The following LDLRAD3 variants were observed in gnomAD, a reference collection of about 807,000 sequenced individuals.
LDLRAD3 encodes low density lipoprotein receptor class A domain containing 3.
In LDLRAD3, 20 loss-of-function variants were observed where a neutral mutation model predicts 29.4. The observed-to-expected ratio is 0.68, with a 90% confidence interval of 0.48 to 0.99. The LOEUF (loss-of-function observed/expected upper bound fraction) is 0.99, where lower values mean the gene tolerates loss of function less well. LDLRAD3 is among the 50% of genes least tolerant of loss of function. LDLRAD3 has a pLI of 0.00. For synonymous variants in LDLRAD3, 157 were observed against 192.7 expected, an observed-to-expected ratio of 0.81 and a Z score of 1.53; for missense variants, 420 against 454.3, an observed-to-expected ratio of 0.92 and a Z score of 0.69.
At chr11:36,155,454 G>A (rs897838295) in intron 4 of LDLRAD3, among the ~76,000 whole-genome samples, 8 of 152,106 alleles carry the variant, frequency 5.3e-5, no homozygotes, top group South Asian at 2.1e-4. Context: ...ATTGACTTCC[G>A]CGTCTGTTCC....
At chr11:36,205,629 G>A (rs1352322748) in intron 4 of LDLRAD3, among the ~76,000 whole-genome samples, 2 of 152,208 alleles carry the variant, frequency 1.3e-5, no homozygotes, top group African/African-American at 4.8e-5. Context: ...CAAGCAAGAT[G>A]CCTCAGAATA....
At chr11:36,014,593 G>T (rs1851997077) in intron 1 of LDLRAD3, among the ~76,000 whole-genome samples, 1 of 152,134 alleles carries the variant, frequency 6.6e-6, no homozygotes, top group Non-Finnish European at 1.5e-5. Flanking sequence ...AACTTTGCTG[G>T]CGAGGTGAAA....
intron 2 of LDLRAD3, among the ~76,000 whole-genome samples, chr11:36,077,703 A>C (rs1853038382): frequency 6.6e-6 from 1 of 152,178 alleles, no homozygotes; most frequent in Non-Finnish European, 1.5e-5. Context: ...AGAACCTTGG[A>C]GACTTCAGCA....
intron 2 of LDLRAD3, among the ~76,000 whole-genome samples, 165 bp from the exon 3 acceptor site, chr11:36,081,488 A>G (rs575009934): frequency 3.9e-5 from 6 of 152,190 alleles, no homozygotes; most frequent in African/African-American, 7.2e-5. Context: ...TGGGTGTCCA[A>G]TCTGGCTGGG....
intron 4 of LDLRAD3, among the ~76,000 whole-genome samples, chr11:36,191,576 C>CTCTCTCTCTCTCTCTCTCTATATA (rs377747518): frequency 1.9e-5 from 1 of 53,440 alleles, no homozygotes; most frequent in African/African-American, 8.3e-5. Context: ...CTCTCTCTCT[C>CTCTCTCTCTCTCTCTCTCTATATA]TATATATATA....
chr11:35,997,718 T>A (rs192198262), intron 1 of LDLRAD3: 55 of 171,078 alleles, frequency 3.2e-4, no homozygotes, highest in Admixed American at 1.6e-3. Context: ...GGATTCAGGA[T>A]GACCCAATAA....
intron 1 of LDLRAD3, chr11:35,967,357 G>A (rs1239279755): frequency 4.4e-6 from 1 of 227,606 alleles, no homozygotes; most frequent in Non-Finnish European, 8.6e-6. Context: ...CCTGAGGAAT[G>A]TCTGGGAAGT....
rs139548531 is a variant in LDLRAD3 at position 36,148,633 on chromosome 11, C to T, written c.454+50172C>T. Among the ~76,000 whole-genome samples the T allele has an allele frequency of 5.8e-4, 88 of 152,134 alleles. 1 individual carries two copies. Among genetic ancestry groups the T allele is most frequent in the Admixed American group, 2.6e-3 (40 of 15,274 alleles). On this transcript the variant is annotated intron_variant, in intron 4 of 5. Transcript: ENST00000315571. ...ACAGCCAAGGAGAAGGAGATAGGGCCGTCTTGGGGTTTTCTGCAGTCTCAG... is the reference window on the plus strand; with the variant it reads ...ACAGCCAAGGAGAAGGAGATAGGGCTGTCTTGGGGTTTTCTGCAGTCTCAG...
At chr11:36,228,067 G>A (rs1025803225) in intron 5 of LDLRAD3, among the ~76,000 whole-genome samples, 1 of 152,186 alleles carries the variant, frequency 6.6e-6, no homozygotes, top group Non-Finnish European at 1.5e-5. Flanking sequence ...ATAAAGCCAG[G>A]AAGCAGAGTT....
intron 2 of LDLRAD3, among the ~76,000 whole-genome samples, chr11:36,067,107 C>G (rs1166423828): frequency 6.6e-6 from 1 of 152,128 alleles, no homozygotes; most frequent in South Asian, 2.1e-4. Flanking sequence ...CTAACACACT[C>G]CTAATAATCT....
intron 4 of LDLRAD3, among the ~76,000 whole-genome samples, chr11:36,214,710 G>C (rs1855328739): frequency 6.6e-6 from 1 of 152,108 alleles, no homozygotes; most frequent in Non-Finnish European, 1.5e-5. Context: ...TCACTTCCTG[G>C]CTGTGTGACC....
intron 4 of LDLRAD3, among the ~76,000 whole-genome samples, chr11:36,162,710 A>T (rs1428653992): frequency 6.6e-6 from 1 of 152,178 alleles, no homozygotes; most frequent in Non-Finnish European, 1.5e-5. Flanking sequence ...CTGGAGACTG[A>T]CTTAATTAGC....
chr11:36,197,172 A>G (rs957616865), intron 4 of LDLRAD3: 1 of 152,208 alleles, frequency 6.6e-6, no homozygotes, highest in Non-Finnish European at 1.5e-5. Context: ...TCTGAAAAAG[A>G]ACACTTCTTT....
intron 3 of LDLRAD3, among the ~76,000 whole-genome samples, chr11:36,089,775 CTTT>C (rs113433655): frequency 2.2e-5 from 3 of 138,192 alleles, no homozygotes; most frequent in Non-Finnish European, 1.6e-5. Context: ...AATTTTTAAA[CTTT>C]TTTTTTTTTT....
At chr11:36,047,944 C>T (rs768263245) in intron 2 of LDLRAD3, among the ~76,000 whole-genome samples, 20 of 152,200 alleles carry the variant, frequency 1.3e-4, no homozygotes, top group Admixed American at 4.6e-4. Flanking sequence ...GTTCCTTCAT[C>T]TGGGAAATGG....
At chr11:35,988,291 C>T (rs1238046968) in intron 1 of LDLRAD3, among the ~76,000 whole-genome samples, 1 of 152,116 alleles carries the variant, frequency 6.6e-6, no homozygotes, top group Non-Finnish European at 1.5e-5. Context: ...AACTCCTGGG[C>T]TCAAGTGATT....
intron 1 of LDLRAD3, among the ~76,000 whole-genome samples, chr11:36,003,218 G>GCC (rs1255924171): frequency 1.3e-5 from 2 of 152,216 alleles, no homozygotes; most frequent in Non-Finnish European, 2.9e-5. Context: ...ACCTGGCCTG[G>GCC]CTGGTGCAGG....
At chr11:35,960,820 C>T (rs1261978104) in intron 1 of LDLRAD3, among the ~76,000 whole-genome samples, 1 of 152,208 alleles carries the variant, frequency 6.6e-6, no homozygotes, top group Non-Finnish European at 1.5e-5. Flanking sequence ...TGGTCTTGAA[C>T]TCCTGACCTC....
At chr11:36,185,133 T>C (rs1323198451) in intron 4 of LDLRAD3, among the ~76,000 whole-genome samples, 1 of 152,208 alleles carries the variant, frequency 6.6e-6, no homozygotes, top group South Asian at 2.1e-4. Context: ...GCTAGAATTA[T>C]AGAACCATTC....
Sources: allele counts gnomAD v4.1 joint callset (sites outside exome capture counted in the v4.1 genomes callset), GRCh38; gene constraint gnomAD v4.1.1; transcripts MANE v1.5; gene names NCBI Gene and HGNC (gene_info 2026-07-23, HGNC 2026-07-21).